RNF6: variants seen among roughly 807,000 people sequenced by gnomAD.
The protein encoded by RNF6 is E3 ubiquitin-protein ligase RNF6.
A neutral mutation model predicts 50.1 loss-of-function variants in RNF6; 21 were observed. The observed-to-expected ratio is 0.42, with a 90% CI of 0.30 to 0.60. The LOEUF is 0.60. Ranked by LOEUF, RNF6 falls within the 20% of genes least tolerant of loss-of-function variation. The pLI is 0.20. For synonymous variants in RNF6, 255 were observed against 291.8 expected, an observed-to-expected ratio of 0.87 and a Z score of 1.29; for missense variants, 698 against 838.2, an observed-to-expected ratio of 0.83 and a Z score of 2.07.
At chr13:26,140,128 T>C (rs141512384) in intron 5 of RNF6, among the ~76,000 whole-genome samples, 36 of 152,384 alleles carry the variant, frequency 2.4e-4, no homozygotes, top group African/African-American at 8.2e-4. Flanking sequence ...TGGGGATTAA[T>C]ATAGACAATC....
chr13:26,199,544 G>A (rs1868813131), intron 5 of RNF6, among the ~76,000 whole-genome samples: 1 of 151,932 alleles, frequency 6.6e-6, no homozygotes, highest in Admixed American at 6.6e-5. Flanking sequence ...ACTTCATCAA[G>A]ATTAAAAACT....
At chr13:26,165,130 C>A (rs1253441148) in intron 5 of RNF6, among the ~76,000 whole-genome samples, 1 of 152,154 alleles carries the variant, frequency 6.6e-6, no homozygotes, top group African/African-American at 2.4e-5. Context: ...GGACTCGGCG[C>A]CCTGCATTCC....
chr13:26,135,840 C>T (rs1004693283), intron 5 of RNF6, among the ~76,000 whole-genome samples: 7 of 151,952 alleles, frequency 4.6e-5, no homozygotes, highest in Admixed American at 1.3e-4. Context: ...TCTATAATTT[C>T]GTTGCAAGAT....
rs574892040 is a variant in RNF6, at chr13:26,145,706, T to G, written n.769-13255A>C. ...TCTTTATAGATTATCTAGTCTCAGG[T>G]ATGTCTCTATACCAGTGTGAGAACA... On this transcript the variant is annotated intron_variant and non_coding_transcript_variant, in intron 5 of 5. Transcript: ENST00000468480. 6.2e-4 allele frequency among the ~76,000 whole-genome samples: 94 copies of G among 152,204 alleles called. 1 individual carries two copies. The highest frequency in any genetic ancestry group is 1.1e-3 in the Non-Finnish European group (76 of 68,040).
chr13:26,143,837 T>C (rs1871089035), intron 5 of RNF6, among the ~76,000 whole-genome samples: 2 of 152,198 alleles, frequency 1.3e-5, no homozygotes, highest in Admixed American at 1.3e-4. Context: ...CCACACTTCA[T>C]TCACTGTGAA....
At chr13:26,165,199 G>A (rs1482745839) in intron 5 of RNF6, among the ~76,000 whole-genome samples, 1 of 152,218 alleles carries the variant, frequency 6.6e-6, no homozygotes, top group Non-Finnish European at 1.5e-5. Flanking sequence ...GGCTTCAGAA[G>A]GTGCAAACCT....
intron 5 of RNF6, among the ~76,000 whole-genome samples, chr13:26,178,343 C>T (rs988194193): frequency 1.3e-5 from 2 of 152,118 alleles, no homozygotes; most frequent in African/African-American, 4.8e-5. Context: ...TGCCTTCTCA[C>T]TGTGTCCTCA....
chr13:26,215,033 A>G lies in RNF6; in HGVS notation c.849T>C (p.Asn283=). The G allele has an allele frequency of 6.2e-7, 1 of 1,614,030 alleles. No individual in the cohort carries two copies. Among genetic ancestry groups the G allele is most frequent in the Non-Finnish European group, 8.5e-7 (1 of 1,179,994 alleles). ...TCACTGTAACATTACTTCTAGCCCC[A>G]TTTTCCCAAACATGTGCTGCTCCAA... ...QRFGAAHVWE[N]GARSNVTVRN... Residue 283 remains asparagine, a synonymous_variant, in exon 5 of 5, where the codon AAT becomes AAC. Transcript: ENST00000381588.
chr13:26,165,065 G>A (rs902023174), intron 5 of RNF6, among the ~76,000 whole-genome samples: 1 of 152,142 alleles, frequency 6.6e-6, no homozygotes, highest in African/African-American at 2.4e-5. Context: ...AGGCCTAGGA[G>A]GAAAAAGTGG....
At chr13:26,162,365 C>G (rs1461444973) in intron 5 of RNF6, among the ~76,000 whole-genome samples, 1 of 152,232 alleles carries the variant, frequency 6.6e-6, no homozygotes, top group African/African-American at 2.4e-5. Context: ...ATAGCCTAAA[C>G]TCTCCCTTTG....
At chr13:26,202,426 A>G (rs996050627) in intron 5 of RNF6, among the ~76,000 whole-genome samples, 3 of 152,242 alleles carry the variant, frequency 2.0e-5, no homozygotes, top group African/African-American at 7.2e-5. Flanking sequence ...TGATTTGAGA[A>G]ATTCACATTA....
intron 5 of RNF6, among the ~76,000 whole-genome samples, chr13:26,175,338 C>T (rs971457143): frequency 6.6e-6 from 1 of 152,178 alleles, no homozygotes; most frequent in East Asian, 1.9e-4. Context: ...GCCTCGGGCC[C>T]CCAAAGTGCT....
intron 5 of RNF6, among the ~76,000 whole-genome samples, chr13:26,190,839 G>T (rs193209951): frequency 1.3e-5 from 2 of 152,266 alleles, no homozygotes; most frequent in South Asian, 2.1e-4. Context: ...TTCCTCAAAG[G>T]ATGCAATGGC....
chr13:26,192,468 C>T (rs942969669), intron 5 of RNF6, among the ~76,000 whole-genome samples: 2 of 152,186 alleles, frequency 1.3e-5, no homozygotes, highest in African/African-American at 2.4e-5. Context: ...TATTCATGCC[C>T]TTGTGTAATA....
intron 5 of RNF6, among the ~76,000 whole-genome samples, chr13:26,164,781 T>A (rs917736984): frequency 6.6e-6 from 1 of 152,180 alleles, no homozygotes; most frequent in Non-Finnish European, 1.5e-5. Context: ...GTTTATTTAG[T>A]TCATGTCTGC....
intron 5 of RNF6, among the ~76,000 whole-genome samples, chr13:26,172,612 G>C (rs1018093890): frequency 6.6e-6 from 1 of 151,570 alleles, no homozygotes; most frequent in African/African-American, 2.4e-5. Context: ...GGCGCGATCT[G>C]GGCCCACGGA....
At position 26,154,456 on chromosome 13, in the gene RNF6, C is replaced by T. The variant is rs7320035; in HGVS notation, n.769-22005G>A. On this transcript the variant is annotated intron_variant and non_coding_transcript_variant, in intron 5 of 5. Transcript: ENST00000468480. Reference sequence around the variant, plus strand: ...AGAGATCAAAGTCATGATATCTAAACACATCCAAAGGGGAAGATGACAAAG... The same window carrying T: ...AGAGATCAAAGTCATGATATCTAAATACATCCAAAGGGGAAGATGACAAAG... Among the ~76,000 whole-genome samples the T allele has an allele frequency of 1.4e-3, 218 of 152,254 alleles. 2 individuals carry two copies. The highest frequency in any genetic ancestry group is 5.0e-3 in the African/African-American group (208 of 41,544).
At chr13:26,185,281 C>G (rs1177147266) in intron 5 of RNF6, among the ~76,000 whole-genome samples, 1 of 152,148 alleles carries the variant, frequency 6.6e-6, no homozygotes, top group African/African-American at 2.4e-5. Flanking sequence ...GAGTTACAGG[C>G]ATGAGCCATC....
chr13:26,211,065 C>T (rs576556579), downstream of RNF6, among the ~76,000 whole-genome samples: 112 of 152,266 alleles, frequency 7.4e-4, 1 homozygote, highest in African/African-American at 2.6e-3. Flanking sequence ...ATATTGGAAC[C>T]ACAAAGGGTA....
Sources: gnomAD v4.1 joint callset for allele counts (sites outside exome capture counted in the v4.1 genomes callset) on GRCh38, gnomAD v4.1.1 for gene constraint, MANE v1.5 for transcripts, NCBI Gene and HGNC (gene_info 2026-07-23, HGNC 2026-07-21) for gene names.